Variants in BBOX1 observed in about 807,000 individuals in gnomAD.
BBOX1 encodes the protein gamma-butyrobetaine dioxygenase.
BBOX1 carries 35 observed loss-of-function variants against 41.6 expected under a neutral mutation model. The ratio of observed to expected loss-of-function variants is 0.84; its 90% confidence interval spans 0.64 to 1.11. BBOX1 has a LOEUF of 1.11. BBOX1 is among the 50% of genes most tolerant of loss of function. The pLI is 0.00. For synonymous variants in BBOX1, 163 were observed against 154.7 expected (o/e 1.05, Z -0.40); for missense variants, 458 against 460.6 (o/e 0.99, Z 0.05).
At chr11:27,068,470 T>C (rs573437866) in intron 4 of BBOX1, among the ~76,000 whole-genome samples, 3 of 152,218 alleles carry the variant, frequency 2.0e-5, no homozygotes, top group Admixed American at 6.5e-5. Flanking sequence ...TGGATATTAG[T>C]CCTTTGTTGG....
intron 2 of BBOX1, among the ~76,000 whole-genome samples, chr11:27,045,688 G>T (rs1590160151): frequency 6.6e-6 from 1 of 152,034 alleles, no homozygotes; most frequent in Non-Finnish European, 1.5e-5. Context: ...AGAAAGAGAT[G>T]AAAATTAACA....
chr11:27,046,998 C>T (rs1286954606), intron 2 of BBOX1, among the ~76,000 whole-genome samples: 2 of 151,900 alleles, frequency 1.3e-5, no homozygotes, highest in Non-Finnish European at 2.9e-5. Context: ...AACTTATTTT[C>T]CCATTTTGCC....
chr11:27,062,645 G>GC (rs1055820704), intron 4 of BBOX1, among the ~76,000 whole-genome samples: 1 of 151,494 alleles, frequency 6.6e-6, no homozygotes, highest in Non-Finnish European at 1.5e-5. Flanking sequence ...TGCAACCTCT[G>GC]CCCCCGGGTT....
chr11:27,082,871 G>A (rs1442938), intron 4 of BBOX1, among the ~76,000 whole-genome samples: 33,788 of 151,960 alleles, frequency 0.22, 4,321 homozygotes, highest in African/African-American at 0.33. Flanking sequence ...AGTCATAAGC[G>A]TGAGTATACA....
At chr11:27,074,628 A>G (rs1437071866) in intron 4 of BBOX1, among the ~76,000 whole-genome samples, 1 of 152,224 alleles carries the variant, frequency 6.6e-6, no homozygotes, top group Non-Finnish European at 1.5e-5. Flanking sequence ...GATTTAGGGT[A>G]TCTGGCAGAA....
intron 4 of BBOX1, among the ~76,000 whole-genome samples, chr11:27,057,907 A>G (rs1231291509): frequency 6.6e-6 from 1 of 152,116 alleles, no homozygotes; most frequent in African/African-American, 2.4e-5. Context: ...GAAAAACTGC[A>G]AGGGTGGATT....
Position 27,127,271 on chromosome 11 carries a change from T to C in BBOX1, c.1004-22T>C, listed in dbSNP as rs145014420. ...TCATTTAAACACACAATTATTCATA[T>C]TGGAAAAAATCTTTTCTTTAGGTGA... is the stretch of plus-strand genomic sequence containing the variant. On this transcript the variant is annotated intron_variant, in intron 8 of 8. Coordinates refer to ENST00000263182, the MANE Select transcript of BBOX1 (RefSeq NM_003986.3). The C allele has an allele frequency of 1.7e-5, 28 of 1,611,048 alleles. No individual in the cohort carries two copies. The African/African-American group carries it at 2.7e-4, about 15-fold the overall frequency.
chr11:27,085,569 C>A (rs995098140), intron 4 of BBOX1, among the ~76,000 whole-genome samples: 5 of 151,648 alleles, frequency 3.3e-5, no homozygotes, highest in African/African-American at 1.2e-4. Context: ...CTCTCTCTCT[C>A]TCTCTCTCTC....
chr11:27,044,205 C>CT (rs1851427131), intron 2 of BBOX1, among the ~76,000 whole-genome samples: 1 of 152,162 alleles, frequency 6.6e-6, no homozygotes, highest in African/African-American at 2.4e-5. Context: ...TGACGATGAG[C>CT]TTTTCTTCAT....
intron 5 of BBOX1, among the ~76,000 whole-genome samples, chr11:27,101,657 A>G (rs936818736): frequency 6.6e-6 from 1 of 151,904 alleles, no homozygotes; most frequent in African/African-American, 2.4e-5. Context: ...AGTATTATTA[A>G]CCTTTAAAAA....
At chr11:27,073,613 G>A (rs993855478) in intron 4 of BBOX1, among the ~76,000 whole-genome samples, 2 of 151,672 alleles carry the variant, frequency 1.3e-5, no homozygotes, top group African/African-American at 4.9e-5. Flanking sequence ...AAATGCACAC[G>A]TATGTTTATT....
chr11:27,091,555 G>A lies in BBOX1; in HGVS notation c.335-1613G>A, dbSNP rs75165057. Among the ~76,000 whole-genome samples the A allele has an allele frequency of 6.0e-3, 911 of 151,910 alleles. 13 individuals are homozygous for A. The highest frequency in any genetic ancestry group is 0.02 in the African/African-American group (839 of 41,468). On this transcript the variant is annotated intron_variant, in intron 4 of 8. Coordinates refer to ENST00000263182, the MANE Select transcript of BBOX1 (RefSeq NM_003986.3). ...TGGTCTAATAAAACATGGCCCATGT[G>A]CTGACCTGTTTCTCTTTGCCAAAGT...
intron 2 of BBOX1, among the ~76,000 whole-genome samples, chr11:27,054,840 G>T (rs141413265): frequency 6.6e-6 from 1 of 152,134 alleles, no homozygotes. Context: ...CAGAAACAGC[G>T]CAATATTCTG....
intron 5 of BBOX1, among the ~76,000 whole-genome samples, chr11:27,102,832 T>G (rs1440930787): frequency 6.6e-6 from 1 of 152,162 alleles, no homozygotes. Flanking sequence ...TATAAATTAT[T>G]GGGTCACAGC....
At chr11:27,079,040 G>A (rs189105832) in intron 4 of BBOX1, among the ~76,000 whole-genome samples, 39 of 152,200 alleles carry the variant, frequency 2.6e-4, no homozygotes, top group African/African-American at 8.7e-4. Flanking sequence ...GCAAAGGCAC[G>A]TTAAAGAACA....
At chr11:27,121,608 T>G (rs897892987) in intron 7 of BBOX1, among the ~76,000 whole-genome samples, 1 of 152,062 alleles carries the variant, frequency 6.6e-6, no homozygotes, top group African/African-American at 2.4e-5. Flanking sequence ...TATAAACAGA[T>G]TGTTTTCGTG....
rs910029201 is a variant in BBOX1 at position 27,041,328 on chromosome 11, A to G, written c.-189A>G. The G allele has an allele frequency of 2.0e-5, 3 of 152,110 alleles. No individual in the cohort carries two copies. Among genetic ancestry groups the G allele is most frequent in the Non-Finnish European group, 4.4e-5 (3 of 68,070 alleles). 9.4% of individuals were successfully genotyped at this position (152,110 alleles called of 1,614,324 possible). On this transcript the variant is annotated 5_prime_UTR_variant, in exon 2 of 9. Transcript: ENST00000263182. ...CTCAGCTGTGTCTGGGGGCAGGGCCACAGTGAAACTGCCAGGAGCAAAAAG... is the reference window on the plus strand; with the variant it reads ...CTCAGCTGTGTCTGGGGGCAGGGCCGCAGTGAAACTGCCAGGAGCAAAAAG...
intron 4 of BBOX1, among the ~76,000 whole-genome samples, chr11:27,078,595 C>A (rs1353081442): frequency 6.6e-6 from 1 of 152,124 alleles, no homozygotes; most frequent in Admixed American, 6.6e-5. Flanking sequence ...AAATCAAACA[C>A]CACATGTTCT....
At position 27,091,967 on chromosome 11, in the gene BBOX1, C is replaced by T. The variant is rs537789960; in HGVS notation, c.335-1201C>T. ...TTTATAGCCTAATTAGGCTTTCATA[C>T]ATACACACACCTACTAACCTATGCC... On this transcript the variant is annotated intron_variant, in intron 4 of 8. Coordinates refer to ENST00000263182, the MANE Select transcript of BBOX1 (RefSeq NM_003986.3). 2.2e-4 allele frequency among the ~76,000 whole-genome samples: 34 copies of T among 152,050 alleles called. No individual in the cohort carries two copies. In the South Asian group the frequency reaches 6.8e-3, roughly 31 times the overall value.
Sources: allele counts gnomAD v4.1 joint callset (sites outside exome capture counted in the v4.1 genomes callset), GRCh38; gene constraint gnomAD v4.1.1; transcripts MANE v1.5; gene names NCBI Gene and HGNC (gene_info 2026-07-23, HGNC 2026-07-21).